SMARCAL1: variants seen among roughly 807,000 people sequenced by gnomAD.
The protein encoded by SMARCAL1 is ATP-driven annealing helicase.
SMARCAL1 carries 58 observed loss-of-function variants against 94.5 expected under a neutral mutation model. The ratio of observed to expected loss-of-function variants is 0.61; its 90% confidence interval spans 0.50 to 0.76. The LOEUF (loss-of-function observed/expected upper bound fraction) is 0.76. Ranked by LOEUF, SMARCAL1 falls within the 30% of genes least tolerant of loss-of-function variation. The probability of loss-of-function intolerance (pLI) is 0.00; values close to 1 mark genes in which losing one functional copy is unlikely to be tolerated. For synonymous variants in SMARCAL1, 422 were observed against 455.1 expected (o/e 0.93, Z 0.93); for missense variants, 1,051 against 1,177.9 (o/e 0.89, Z 1.58).
rs765016488 is a variant in SMARCAL1, at chr2:216,414,666, TA to T, written c.-36del. The stretch of plus-strand genomic sequence containing the variant: ...CCACAGCTTTTGCCAACTTTCCAAT[TA>T]AAGGTTGACATTCCTGCATAAGCAT... On this transcript the variant is annotated 5_prime_UTR_variant, in exon 3 of 18. It removes the in-frame stop codon of an upstream open reading frame in the 5' UTR. Transcript: ENST00000357276. The T allele has an allele frequency of 1.3e-6, 2 of 1,582,154 alleles. No individual in the cohort carries two copies. Among genetic ancestry groups the T allele is most frequent in the Admixed American group, 3.3e-5 (2 of 59,986 alleles).
chr2:216,458,899 G>T (rs1694633982), intron 12 of SMARCAL1, among the ~76,000 whole-genome samples: 1 of 152,156 alleles, frequency 6.6e-6, no homozygotes, highest in South Asian at 2.1e-4. Flanking sequence ...AATTGTCCCT[G>T]TTTGCAGATG....
intron 12 of SMARCAL1, among the ~76,000 whole-genome samples, chr2:216,461,282 AAG>A (rs1430753900): frequency 1.3e-5 from 2 of 152,102 alleles, no homozygotes; most frequent in African/African-American, 4.8e-5. Context: ...TTTAAAAAAA[AAG>A]AATCATCTTT....
intron 12 of SMARCAL1, among the ~76,000 whole-genome samples, chr2:216,453,900 A>G (rs914806762): frequency 6.6e-6 from 1 of 152,230 alleles, no homozygotes; most frequent in Non-Finnish European, 1.5e-5. Flanking sequence ...GAAGGAGCCA[A>G]TTTATAGAAT....
chr2:216,461,087 TG>T (rs1348894877), intron 12 of SMARCAL1, among the ~76,000 whole-genome samples: 1 of 151,546 alleles, frequency 6.6e-6, no homozygotes, highest in Non-Finnish European at 1.5e-5. Context: ...TGTGTGTGTG[TG>T]TGTATGTGTG....
At chr2:216,463,896 G>A (rs968218833) in intron 12 of SMARCAL1, among the ~76,000 whole-genome samples, 61 of 152,098 alleles carry the variant, frequency 4.0e-4, no homozygotes, top group African/African-American at 1.3e-3. Flanking sequence ...TACAAAATTA[G>A]CTGGACGTGG....
intron 5 of SMARCAL1, 144 bp downstream of exon 5, chr2:216,420,676 A>G (rs780105722): frequency 2.7e-6 from 2 of 735,330 alleles, no homozygotes; most frequent in Non-Finnish European, 4.8e-6. Context: ...TAGAAAGATG[A>G]CACGTTAATT....
At chr2:216,459,972 C>T (rs1337466010) in intron 12 of SMARCAL1, among the ~76,000 whole-genome samples, 7 of 152,162 alleles carry the variant, frequency 4.6e-5, no homozygotes, top group African/African-American at 1.4e-4. Flanking sequence ...CTACAAAGAA[C>T]TCAAACAAAT....
chr2:216,449,807 T>C (rs1390452315), intron 11 of SMARCAL1, among the ~76,000 whole-genome samples: 1 of 151,906 alleles, frequency 6.6e-6, no homozygotes, highest in East Asian at 1.9e-4. Flanking sequence ...CCAGTAAGAT[T>C]GTTGGTGAGG....
chr2:216,415,312 A>T lies in SMARCAL1; in HGVS notation c.608A>T (p.Asn203Ile). 2 of 1,614,276 alleles carry T rather than the reference A, an allele frequency of 1.2e-6. No homozygotes were observed. The highest frequency in any genetic ancestry group is 8.5e-7 in the Non-Finnish European group (1 of 1,180,046). ...KTAKASPSGQ[N>I]ISYIHSSSES... The stretch of plus-strand genomic sequence containing the variant: ...GCAAAAGCCTCCCCTTCGGGGCAGA[A>T]CATTTCTTACATCCATTCTAGCTCA... Residue 203 changes from asparagine (N) to isoleucine (I), a missense_variant, in exon 3 of 18, where the codon AAC becomes ATC. By Grantham distance (149) the Asn-to-Ile change is moderately radical. This residue lies in a region of SMARCAL1 where 398 missense variants were observed against 395.2 expected (regional missense o/e 1.01). Coordinates refer to ENST00000357276, the MANE Select transcript of SMARCAL1 (RefSeq NM_014140.4).
intron 14 of SMARCAL1, among the ~76,000 whole-genome samples, chr2:216,469,437 A>G (rs1432972061): frequency 6.6e-6 from 1 of 151,754 alleles, no homozygotes; most frequent in Non-Finnish European, 1.5e-5. Flanking sequence ...GCCCGCCACC[A>G]TGCCTGGCTA....
At chr2:216,474,042 G>A (rs1695017603) in intron 14 of SMARCAL1, among the ~76,000 whole-genome samples, 1 of 150,930 alleles carries the variant, frequency 6.6e-6, no homozygotes, top group East Asian at 1.9e-4. Context: ...GTAACAACTT[G>A]GATGAATCTC....
intron 14 of SMARCAL1, among the ~76,000 whole-genome samples, chr2:216,474,171 G>A (rs1360902094): frequency 8.3e-5 from 9 of 108,410 alleles, no homozygotes; most frequent in East Asian, 2.8e-4. Context: ...ACAGAGTCTC[G>A]CTCTGTCACC....
At chr2:216,454,081 T>C (rs572066910) in intron 12 of SMARCAL1, among the ~76,000 whole-genome samples, 1 of 152,276 alleles carries the variant, frequency 6.6e-6, no homozygotes, top group African/African-American at 2.4e-5. Context: ...GGTAACAATA[T>C]CAGTTCACCC....
intron 12 of SMARCAL1, among the ~76,000 whole-genome samples, chr2:216,461,464 A>C (rs1694702227): frequency 6.6e-6 from 1 of 152,128 alleles, no homozygotes; most frequent in Non-Finnish European, 1.5e-5. Context: ...TCATACAAAC[A>C]CGTCAAGTGG....
intron 3 of SMARCAL1, chr2:216,415,924 G>A (rs1693591193): frequency 4.9e-6 from 2 of 409,540 alleles, no homozygotes; most frequent in South Asian, 4.4e-5. Context: ...GATGTGACTA[G>A]CTCAATTACA....
In SMARCAL1 at chr2:216,464,687, C is replaced by T. The variant is rs748240390; in HGVS notation, c.2141+20C>T. The T allele has an allele frequency of 9.9e-6, 15 of 1,514,112 alleles. No homozygotes were observed. In the East Asian group the frequency reaches 2.3e-4, roughly 23 times the overall value. 93.8% of individuals were successfully genotyped at this position (1,514,112 alleles called of 1,614,324 possible). A position where few individuals can be genotyped will look rare whatever the true frequency, so the allele number is the denominator to read the frequency against. On this transcript the variant is annotated intron_variant, in intron 13 of 17. Transcript: ENST00000357276. ...TGTCATGTAAGTGGTCACTAAGTGT[C>T]GACCTCTCTCTCTCTCATCTTCAAA...
intron 12 of SMARCAL1, among the ~76,000 whole-genome samples, chr2:216,462,852 T>C (rs1574475865): frequency 6.7e-6 from 1 of 148,630 alleles, no homozygotes; most frequent in African/African-American, 2.5e-5. Flanking sequence ...AAAGCTGGTG[T>C]GGTGGTGCAT....
Position 216,450,888 on chromosome 2 carries a change from G to C in SMARCAL1, c.1894G>C (p.Glu632Gln). The C allele has an allele frequency of 1.2e-6, 2 of 1,614,220 alleles. No individual in the cohort carries two copies. Among genetic ancestry groups the C allele is most frequent in the Non-Finnish European group, 1.7e-6 (2 of 1,180,038 alleles). ...CTACTCAGGTTCCTCCAACCTGGGAGAGCTGAAGCTCCTGCTGGAGGAAGC... is the reference window on the plus strand; with the variant it reads ...CTACTCAGGTTCCTCCAACCTGGGACAGCTGAAGCTCCTGCTGGAGGAAGC... The part of the protein sequence containing the change: ...WDYSGSSNLG[E>Q]LKLLLEEAVM... The change falls in exon 12 of 18, where the codon GAG becomes CAG. Residue 632 changes from glutamate to glutamine, a missense_variant. Physicochemically the swap from Glu to Gln is conservative, Grantham distance 29. Transcript: ENST00000357276.
At chr2:216,465,569 A>G (rs920950134) in intron 13 of SMARCAL1, among the ~76,000 whole-genome samples, 1 of 152,236 alleles carries the variant, frequency 6.6e-6, no homozygotes, top group Non-Finnish European at 1.5e-5. Flanking sequence ...AATAATTTCT[A>G]TTCTTACAAT....
Sources: gnomAD v4.1 joint callset for allele counts (sites outside exome capture counted in the v4.1 genomes callset) on GRCh38, gnomAD v4.1.1 for gene constraint, gnomAD v4.1.1 regional missense constraint, MANE v1.5 for transcripts, NCBI Gene and HGNC (gene_info 2026-07-23, HGNC 2026-07-21) for gene names.